The following XPO7 variants were observed in gnomAD, a reference collection of about 807,000 sequenced individuals.
XPO7 encodes the protein exportin-7.
In XPO7, 21 loss-of-function variants were observed where a neutral mutation model predicts 144.3. The ratio of observed to expected loss-of-function variants is 0.15; its 90% CI spans 0.10 to 0.21. XPO7 has a LOEUF of 0.21. Among genes scored for constraint, XPO7 ranks in the 10% least tolerant of loss-of-function variants. The pLI, the probability that XPO7 is intolerant of heterozygous loss-of-function variation, is 1.00. For synonymous variants in XPO7, 580 were observed against 499.6 expected (o/e 1.16, Z -2.15); for missense variants, 808 against 1,325.8 (o/e 0.61, Z 6.06).
At chr8:21,946,580 A>AG (rs147337971) in intron 1 of XPO7, among the ~76,000 whole-genome samples, 1 of 123,752 alleles carries the variant, frequency 8.1e-6, no homozygotes, top group Admixed American at 7.9e-5. Flanking sequence ...AACTGAAAAA[A>AG]AAAAACAAAA....
At chr8:22,000,091 AGACTT>A (rs1280696984) in intron 24 of XPO7, among the ~76,000 whole-genome samples, 1 of 152,240 alleles carries the variant, frequency 6.6e-6, no homozygotes, top group African/African-American at 2.4e-5. Context: ...ACTGGCTGGA[AGACTT>A]GGCATCAAAG....
At chr8:21,974,067 C>CT (rs1452785611) in intron 5 of XPO7, among the ~76,000 whole-genome samples, 1 of 125,420 alleles carries the variant, frequency 8.0e-6, no homozygotes, top group East Asian at 2.3e-4. Context: ...AGTTGTTACT[C>CT]TGTCTGTGGG....
intron 20 of XPO7, among the ~76,000 whole-genome samples, chr8:21,995,181 A>G (rs1031101790): frequency 6.6e-6 from 1 of 152,178 alleles, no homozygotes; most frequent in African/African-American, 2.4e-5. Flanking sequence ...AGTTATGTAA[A>G]GGAAATGAGC....
At chr8:21,957,234 C>G (rs889886754) in intron 1 of XPO7, among the ~76,000 whole-genome samples, 13 of 152,022 alleles carry the variant, frequency 8.6e-5, no homozygotes, top group Admixed American at 8.5e-4. Flanking sequence ...GTGCCCATAG[C>G]TTCAGATGTG....
intron 1 of XPO7, among the ~76,000 whole-genome samples, chr8:21,936,030 G>C (rs887537983): frequency 6.6e-6 from 1 of 152,034 alleles, no homozygotes; most frequent in Non-Finnish European, 1.5e-5. Flanking sequence ...AGGAAAGATC[G>C]ACTGGGCATA....
rs567077481 is a variant in XPO7 at position 21,945,088 on chromosome 8, C to T, written c.19-21769C>T. On this transcript the variant is annotated intron_variant, in intron 1 of 27. Transcript: ENST00000252512. ...CTTTTCTATTCGACAAAACTGCCATCGTCATCATGGCCCGTTCTCAATGAG... is the reference window on the plus strand; with the variant it reads ...CTTTTCTATTCGACAAAACTGCCATTGTCATCATGGCCCGTTCTCAATGAG... Among the ~76,000 whole-genome samples, 433 of 152,298 alleles carry T rather than the reference C, an allele frequency of 2.8e-3. 1 individual carries two copies. Among genetic ancestry groups the T allele is most frequent in the African/African-American group, 8.8e-3 (364 of 41,558 alleles).
In XPO7 at chr8:21,987,776, A is replaced by C; in HGVS notation, c.1714-8A>C. On this transcript the variant is annotated splice_polypyrimidine_tract_variant and splice_region_variant and intron_variant, in intron 14 of 27. Transcript: ENST00000252512. ...TGTGTTCTGGTTACTTTCTCTTCTT[A>C]ACACCAGCTGTACCGCCGACTCTCA... The C allele has an allele frequency of 3.7e-6, 6 of 1,613,808 alleles. No homozygotes were observed. Among genetic ancestry groups the C allele is most frequent in the South Asian group, 1.1e-5 (1 of 91,062 alleles).
At chr8:21,944,925 GTAAGGT>G (rs1402407055) in intron 1 of XPO7, among the ~76,000 whole-genome samples, 3 of 152,190 alleles carry the variant, frequency 2.0e-5, no homozygotes, top group Non-Finnish European at 4.4e-5. Context: ...GGGGATGGGG[GTAAGGT>G]TATAGATTAA....
At chr8:21,990,252 G>T in intron 16 of XPO7, 92 bp from the exon 17 acceptor site, 2 of 1,258,118 alleles carry the variant, frequency 1.6e-6, no homozygotes, top group South Asian at 1.2e-5. Flanking sequence ...TAAGATATTT[G>T]GGTGAACTGT....
intron 5 of XPO7, among the ~76,000 whole-genome samples, chr8:21,973,081 C>T (rs766867214): frequency 3.3e-5 from 5 of 152,182 alleles, no homozygotes; most frequent in Non-Finnish European, 7.3e-5. Context: ...AACTGAGGCC[C>T]ATAAAGATGA....
intron 19 of XPO7, 140 bp from the exon 20 acceptor site, chr8:21,994,217 AGAAGAT>A (rs1256336518): frequency 1.5e-5 from 8 of 538,382 alleles, no homozygotes. Flanking sequence ...ATTCTAGCAT[AGAAGAT>A]ATTGAATCCG....
chr8:21,978,164 T>A (rs183701579), intron 8 of XPO7, among the ~76,000 whole-genome samples: 102 of 152,334 alleles, frequency 6.7e-4, no homozygotes, highest in Non-Finnish European at 1.2e-3. Flanking sequence ...ACTGTCTAGT[T>A]GAACTATTAA....
intron 1 of XPO7, among the ~76,000 whole-genome samples, chr8:21,939,641 A>G (rs1301755703): frequency 6.6e-6 from 1 of 152,232 alleles, no homozygotes; most frequent in African/African-American, 2.4e-5. Flanking sequence ...AGCTGTCTCT[A>G]GATTTTTATG....
At chr8:21,960,663 T>G (rs1321448125) in intron 1 of XPO7, among the ~76,000 whole-genome samples, 2 of 152,236 alleles carry the variant, frequency 1.3e-5, no homozygotes, top group Non-Finnish European at 2.9e-5. Flanking sequence ...GCATTATCAC[T>G]TGCTGAAAAT....
chr8:21,943,425 C>A (rs1483348207), intron 1 of XPO7, among the ~76,000 whole-genome samples: 1 of 152,170 alleles, frequency 6.6e-6, no homozygotes, highest in Admixed American at 6.5e-5. Context: ...TTCACATCAT[C>A]TGAGAAATGT....
chr8:21,999,293 C>T lies in XPO7; in HGVS notation c.2631C>T (p.His877=), dbSNP rs1813059518. The stretch of plus-strand genomic sequence containing the variant: ...TCAAGCTGCTCCTCTCTATTCCTCA[C>T]AGTGATCTCTTGGTAAGCCTTACGC... ...TFIKLLLSIP[H]SDLLDYPKLS... The change falls in exon 23 of 28, where the codon CAC becomes CAT. Residue 877 remains histidine, a synonymous_variant. Transcript: ENST00000252512. 1 of 1,612,924 alleles carries T rather than the reference C, an allele frequency of 6.2e-7. No individual in the cohort carries two copies. Among genetic ancestry groups the T allele is most frequent in the Non-Finnish European group, 8.5e-7 (1 of 1,179,888 alleles).
chr8:21,996,767 A>G (rs1414596609), intron 21 of XPO7, among the ~76,000 whole-genome samples: 5 of 152,132 alleles, frequency 3.3e-5, no homozygotes, highest in Non-Finnish European at 7.4e-5. Context: ...TCCTGAGAGA[A>G]TTAGTAAGGT....
At chr8:21,963,952 T>C (rs1811807005) in intron 1 of XPO7, among the ~76,000 whole-genome samples, 1 of 152,190 alleles carries the variant, frequency 6.6e-6, no homozygotes, top group Non-Finnish European at 1.5e-5. Context: ...TAGACTAAAA[T>C]ACTGGTGTTG....
chr8:21,924,036 A>G (rs1237926391), intron 1 of XPO7, among the ~76,000 whole-genome samples: 1 of 152,184 alleles, frequency 6.6e-6, no homozygotes, highest in Admixed American at 6.5e-5. Flanking sequence ...TTTGCAGTCA[A>G]ACTCTCAGCT....
Sources: gnomAD v4.1 joint callset for allele counts (sites outside exome capture counted in the v4.1 genomes callset) on GRCh38, gnomAD v4.1.1 for gene constraint, MANE v1.5 for transcripts, NCBI Gene and HGNC (gene_info 2026-07-23, HGNC 2026-07-21) for gene names.